The following FUT8 variants were observed in gnomAD, a reference collection of about 807,000 sequenced individuals.
FUT8 encodes the protein fucosyltransferase 8, also known as alpha-(1,6)-fucosyltransferase.
A neutral mutation model predicts 71.3 loss-of-function variants in FUT8; 29 were observed. The observed-to-expected ratio is 0.41, with a 90% CI of 0.30 to 0.55. The LOEUF (loss-of-function observed/expected upper bound fraction) is 0.55, where lower values mean the gene tolerates loss of function less well. FUT8 is among the 20% of genes least tolerant of loss of function. The pLI is 0.34. For synonymous variants in FUT8, 254 were observed against 239.3 expected (o/e 1.06, Z -0.57); for missense variants, 544 against 702.1 (o/e 0.77, Z 2.55).
chr14:65,470,709 C>T (rs2066130506), intron 2 of FUT8, among the ~76,000 whole-genome samples: 1 of 152,080 alleles, frequency 6.6e-6, no homozygotes, highest in Non-Finnish European at 1.5e-5. Flanking sequence ...CACAGAGCCT[C>T]CTCCTGAGGC....
Position 65,724,201 on chromosome 14 carries a change from T to C in FUT8, c.1137T>C (p.Ile379=). The part of the protein sequence containing the change: ...KVGTEAAFHP[I]EEYMVHVEEH... ...GAACAGAAGCTGCCTTCCATCCCAT[T>C]GAAGAGTACATGGTGCATGTTGAAG... The change falls in exon 9 of 11, where the codon ATT becomes ATC. Residue 379 remains isoleucine, a synonymous_variant. Coordinates refer to ENST00000673929, the MANE Select transcript of FUT8 (RefSeq NM_001371533.1). The C allele has an allele frequency of 6.2e-7, 1 of 1,610,384 alleles. No individual in the cohort carries two copies. Among genetic ancestry groups the C allele is most frequent in the Middle Eastern group, 1.7e-4 (1 of 6,054 alleles).
At chr14:65,560,968 A>G (rs1307137423) in intron 2 of FUT8, among the ~76,000 whole-genome samples, 1 of 152,220 alleles carries the variant, frequency 6.6e-6, no homozygotes, top group African/African-American at 2.4e-5. Flanking sequence ...GATAATGAAC[A>G]TATAGCCCAA....
rs536454889 is a variant in FUT8, at chr14:65,524,201, G to A, written c.-227-37136G>A. 2.6e-3 allele frequency among the ~76,000 whole-genome samples: 401 copies of A among 152,214 alleles called. 2 individuals are homozygous for A. The highest frequency in any genetic ancestry group is 8.8e-3 in the African/African-American group (366 of 41,532). ...TTCACGATATTGATTCTTCCTATCCGTGAGCATGGAATGTTCTTCCATTTG... is the reference window on the plus strand; with the variant it reads ...TTCACGATATTGATTCTTCCTATCCATGAGCATGGAATGTTCTTCCATTTG... On this transcript the variant is annotated intron_variant, in intron 2 of 10. Coordinates refer to ENST00000673929, the MANE Select transcript of FUT8 (RefSeq NM_001371533.1).
chr14:65,559,291 A>T (rs575836307), intron 2 of FUT8, among the ~76,000 whole-genome samples: 1 of 152,288 alleles, frequency 6.6e-6, no homozygotes, highest in Non-Finnish European at 1.5e-5. Context: ...CTGTAGCTGT[A>T]GTTTTAGTAT....
intron 3 of FUT8, among the ~76,000 whole-genome samples, chr14:65,565,160 T>C (rs1021214897): frequency 1.1e-4 from 17 of 151,948 alleles, no homozygotes; most frequent in Non-Finnish European, 2.4e-4. Flanking sequence ...GAAGCCAGAC[T>C]TTTTTAAACA....
chr14:65,402,454 G>A, the FUT8 span, among the ~76,000 whole-genome samples: 3 of 151,614 alleles, frequency 2.0e-5, no homozygotes. Context: ...GGATCACAAG[G>A]TCAGGAGATC....
chr14:65,429,670 C>A (rs1595363873), intron 1 of FUT8, among the ~76,000 whole-genome samples: 1 of 151,852 alleles, frequency 6.6e-6, no homozygotes. Context: ...TGAGATCAGC[C>A]TGGGCAACAT....
intron 7 of FUT8, among the ~76,000 whole-genome samples, chr14:65,717,277 G>T (rs183430629): frequency 1.7e-5 from 2 of 118,156 alleles, no homozygotes; most frequent in Non-Finnish European, 3.4e-5. Flanking sequence ...GGGCAGAGGC[G>T]CTCCTCACTT....
At chr14:65,366,913 G>C in the FUT8 span, among the ~76,000 whole-genome samples, 4 of 152,168 alleles carry the variant, frequency 2.6e-5, no homozygotes, top group Non-Finnish European at 5.9e-5. Flanking sequence ...GGAGGGGAGA[G>C]GAAGAGACAT....
chr14:65,446,103 G>GTA (rs1237381567), intron 1 of FUT8, among the ~76,000 whole-genome samples: 31 of 152,102 alleles, frequency 2.0e-4, no homozygotes, highest in African/African-American at 6.0e-4. Flanking sequence ...GTAATACTAC[G>GTA]TATATATGTA....
At chr14:65,389,472 C>T in the FUT8 span, among the ~76,000 whole-genome samples, 7,312 of 151,852 alleles carry the variant, frequency 0.048, 309 homozygotes, top group South Asian at 0.18. Flanking sequence ...CCAACAAGCC[C>T]GGCTAATTTT....
Position 65,669,154 on chromosome 14 carries a change from C to T in FUT8, c.598-89C>T. ...CTATAGAACAAACCTGCATGTGTAC[C>T]CCTGAAGATGAAAGATTAAAAAAAA... On this transcript the variant is annotated intron_variant, in intron 6 of 10. Transcript: ENST00000673929. This position sits in a 1 kb window ranked among gnomAD's most constrained non-coding sequence, Gnocchi z 4.5. 1 of 921,592 alleles carries T rather than the reference C, an allele frequency of 1.1e-6. No homozygotes were observed. The allele number at this position is 921,592 out of a possible 1,614,324, so 57.1% of individuals were successfully genotyped here. A position where few individuals can be genotyped will look rare whatever the true frequency, so the allele number is the denominator to read the frequency against.
intron 3 of FUT8, among the ~76,000 whole-genome samples, chr14:65,582,602 C>A (rs1887152256): frequency 6.6e-6 from 1 of 152,188 alleles, no homozygotes; most frequent in African/African-American, 2.4e-5. Context: ...CCTCATTCAT[C>A]TGAATTAGGT....
At chr14:65,677,162 A>ATGTGTG (rs1892791817) in intron 7 of FUT8, among the ~76,000 whole-genome samples, 2 of 27,248 alleles carry the variant, frequency 7.3e-5, no homozygotes, top group Non-Finnish European at 1.9e-4. Flanking sequence ...GCGCGCGCGC[A>ATGTGTG]TGCGCGCGCA....
At chr14:65,529,316 C>T (rs1304105955) in intron 2 of FUT8, 1 of 152,216 alleles carries the variant, frequency 6.6e-6, no homozygotes, top group Non-Finnish European at 1.5e-5. Context: ...ACCGCAACCT[C>T]TACCTCATGG....
chr14:65,677,292 T>G (rs1484455130), intron 7 of FUT8, among the ~76,000 whole-genome samples: 1 of 152,174 alleles, frequency 6.6e-6, no homozygotes, highest in African/African-American at 2.4e-5. Context: ...GATGATACTT[T>G]GGTATCAGGC....
At chr14:65,511,130 G>T (rs1280917639) in intron 2 of FUT8, among the ~76,000 whole-genome samples, 1 of 151,982 alleles carries the variant, frequency 6.6e-6, no homozygotes, top group Non-Finnish European at 1.5e-5. Flanking sequence ...TTTCAAGGAA[G>T]TTTTCAATTT....
intron 2 of FUT8, among the ~76,000 whole-genome samples, chr14:65,498,292 G>C (rs1043695371): frequency 2.0e-5 from 3 of 152,076 alleles, no homozygotes; most frequent in African/African-American, 7.2e-5. Context: ...ATTGCCTCAC[G>C]TCATAATTTT....
At chr14:65,568,613 T>C (rs1161478056) in intron 3 of FUT8, among the ~76,000 whole-genome samples, 1 of 151,782 alleles carries the variant, frequency 6.6e-6, no homozygotes, top group Admixed American at 6.6e-5. Context: ...GATTTCTAGT[T>C]TGTTCTTCAA....
Sources: gnomAD v4.1 joint callset for allele counts (sites outside exome capture counted in the v4.1 genomes callset) on GRCh38, gnomAD v4.1.1 for gene constraint, Gnocchi (gnomAD v3.1) non-coding constraint, MANE v1.5 for transcripts, NCBI Gene and HGNC (gene_info 2026-07-23, HGNC 2026-07-21) for gene names.